The following ALK variants were observed in gnomAD, a reference collection of about 807,000 sequenced individuals.
ALK encodes the protein ALK tyrosine kinase receptor.
A neutral mutation model predicts 163.1 loss-of-function variants in ALK; 74 were observed. The observed-to-expected ratio is 0.45, with a 90% CI of 0.38 to 0.55. The LOEUF (loss-of-function observed/expected upper bound fraction) is 0.55, where lower values mean the gene tolerates loss of function less well. ALK is among the 20% of genes least tolerant of loss of function. The pLI, the probability that ALK is intolerant of heterozygous loss-of-function variation, is 0.00. For synonymous variants in ALK, 960 were observed against 843.2 expected (o/e 1.14, Z -2.40); for missense variants, 2,063 against 2,105.3 (o/e 0.98, Z 0.39).
At chr2:29,672,682 G>A (rs573000298) in intron 3 of ALK, among the ~76,000 whole-genome samples, 55 of 152,208 alleles carry the variant, frequency 3.6e-4, no homozygotes, top group African/African-American at 1.3e-3. Context: ...AGTCCTTTGG[G>A]TATATACCCA....
intron 11 of ALK, among the ~76,000 whole-genome samples, chr2:29,271,376 T>A (rs1393069341): frequency 6.6e-6 from 1 of 152,254 alleles, no homozygotes; most frequent in African/African-American, 2.4e-5. Context: ...TGGCATCTGT[T>A]CTTGAATCAG....
At chr2:29,737,112 T>C (rs1679914205) in intron 1 of ALK, among the ~76,000 whole-genome samples, 1 of 152,112 alleles carries the variant, frequency 6.6e-6, no homozygotes, top group Non-Finnish European at 1.5e-5. Context: ...GATGTAGAAG[T>C]ATTTTTTACA....
chr2:29,490,546 T>C (rs1321864936), intron 4 of ALK, among the ~76,000 whole-genome samples: 1 of 152,066 alleles, frequency 6.6e-6, no homozygotes, highest in Admixed American at 6.6e-5. Flanking sequence ...ATGGTGGGTG[T>C]GGGGAGGGGG....
chr2:29,833,674 T>C (rs1665482486), intron 1 of ALK, among the ~76,000 whole-genome samples: 3 of 152,190 alleles, frequency 2.0e-5, no homozygotes, highest in Admixed American at 6.5e-5. Context: ...TTAGCTCCCA[T>C]TTTACAAATG....
rs117127973 is a variant in ALK, at chr2:29,430,859, C to G, written c.1155-47000G>C. Among the ~76,000 whole-genome samples, 204 of 152,324 alleles carry G rather than the reference C, an allele frequency of 1.3e-3. 1 individual carries two copies. In the East Asian group the frequency reaches 0.029, roughly 21 times the overall value. On this transcript the variant is annotated intron_variant, in intron 4 of 28. Transcript: ENST00000389048. Reference sequence around the variant, plus strand: ...TCCTAACACCCTGTGTTTTTGGACACCTTGATCGGGAACTTCAGAAGGCAA... The same window carrying G: ...TCCTAACACCCTGTGTTTTTGGACAGCTTGATCGGGAACTTCAGAAGGCAA...
intron 9 of ALK, among the ~76,000 whole-genome samples, chr2:29,296,503 G>T (rs1287898210): frequency 6.6e-6 from 1 of 152,218 alleles, no homozygotes; most frequent in African/African-American, 2.4e-5. Context: ...TAAAATAAAA[G>T]TGGGGAAAGT....
intron 1 of ALK, among the ~76,000 whole-genome samples, chr2:29,740,246 G>A (rs777894770): frequency 2.0e-5 from 3 of 151,948 alleles, no homozygotes; most frequent in South Asian, 2.1e-4. Context: ...TCAGCTTCAC[G>A]AATTAACAAA....
intron 5 of ALK, among the ~76,000 whole-genome samples, chr2:29,379,256 C>T (rs918682483): frequency 6.6e-6 from 1 of 152,210 alleles, no homozygotes; most frequent in Non-Finnish European, 1.5e-5. Context: ...TGCTCTTTCA[C>T]TGGCCTTTCA....
chr2:29,844,893 G>GCA (rs148092500), intron 1 of ALK, among the ~76,000 whole-genome samples: 22 of 137,076 alleles, frequency 1.6e-4, no homozygotes, highest in African/African-American at 5.1e-4. Flanking sequence ...ACACACAGAG[G>GCA]CACACACACA....
intron 4 of ALK, among the ~76,000 whole-genome samples, chr2:29,524,043 G>A (rs1672888991): frequency 6.6e-6 from 1 of 152,016 alleles, no homozygotes; most frequent in Admixed American, 6.6e-5. Flanking sequence ...TCCTGGGTGT[G>A]GGTGGAGGGC....
chr2:29,723,870 C>A (rs567152596), intron 1 of ALK, among the ~76,000 whole-genome samples: 1 of 152,148 alleles, frequency 6.6e-6, no homozygotes, highest in African/African-American at 2.4e-5. Context: ...ATAATTACAA[C>A]GTCCAGAAAT....
In ALK at chr2:29,804,577, G is replaced by A. The variant is rs552932341; in HGVS notation, c.668-86880C>T. Among the ~76,000 whole-genome samples, 104 of 152,320 alleles carry A rather than the reference G, an allele frequency of 6.8e-4. 2 individuals carry two copies. The South Asian group carries it at 0.02, about 29-fold the overall frequency. On this transcript the variant is annotated intron_variant, in intron 1 of 28. Transcript: ENST00000389048. ...AGCCATCATAGCTCACTTACCTGGC[G>A]GCCGTGGAGGCCTGTGACTCCCACT...
At chr2:29,721,784 T>C (rs536519046) in intron 1 of ALK, among the ~76,000 whole-genome samples, 3 of 152,314 alleles carry the variant, frequency 2.0e-5, no homozygotes, top group African/African-American at 4.8e-5. Context: ...ACATGCACCA[T>C]CTTATAAAGA....
chr2:29,844,871 ACACACACACACACACACAGAGG>A (rs1248376532), intron 1 of ALK, among the ~76,000 whole-genome samples: 2 of 150,790 alleles, frequency 1.3e-5, no homozygotes, highest in Non-Finnish European at 3.0e-5. Flanking sequence ...ACACACACAC[ACACACACACACACACACAGAGG>A]CACACACACA....
chr2:29,826,110 T>C (rs2148382564), intron 1 of ALK, among the ~76,000 whole-genome samples: 1 of 152,218 alleles, frequency 6.6e-6, no homozygotes, highest in East Asian at 1.9e-4. Flanking sequence ...TTCCCTGCAG[T>C]GCCCCTCCCC....
intron 1 of ALK, among the ~76,000 whole-genome samples, chr2:29,881,157 T>C (rs1314686598): frequency 1.3e-5 from 2 of 152,202 alleles, no homozygotes; most frequent in Admixed American, 6.5e-5. Flanking sequence ...AATCTCTTCC[T>C]GGAGAAAGAG....
At chr2:29,448,234 C>T (rs556220701) in intron 4 of ALK, among the ~76,000 whole-genome samples, 1 of 152,282 alleles carries the variant, frequency 6.6e-6, no homozygotes, top group African/African-American at 2.4e-5. Context: ...TGCTGGAAAC[C>T]TTTTTGATTT....
At chr2:29,383,654 G>C in intron 5 of ALK, 78 bp downstream of exon 5, 2 of 1,595,722 alleles carry the variant, frequency 1.3e-6, no homozygotes, top group Non-Finnish European at 1.7e-6. Context: ...CACATTCCCA[G>C]CCAAACATGG....
rs1482010288 is a variant in ALK, at chr2:29,564,926, G to A, written c.953-32810C>T. On this transcript the variant is annotated intron_variant, in intron 3 of 28. Transcript: ENST00000389048. ...AGAGACTGGGAACCCAGGCTTGCAG[G>A]CCAGTTATAACCAGGGCATTCACTA... 2.6e-5 allele frequency among the ~76,000 whole-genome samples: 4 copies of A among 152,162 alleles called. No individual in the cohort carries two copies. The East Asian group carries it at 7.7e-4, about 29-fold the overall frequency.
Sources: gnomAD v4.1 joint callset for allele counts (sites outside exome capture counted in the v4.1 genomes callset) on GRCh38, gnomAD v4.1.1 for gene constraint, MANE v1.5 for transcripts, NCBI Gene and HGNC (gene_info 2026-07-23, HGNC 2026-07-21) for gene names.